Variants in UBE4B observed in about 807,000 individuals in gnomAD.
UBE4B encodes the protein ubiquitination factor E4B.
Under a neutral mutation model 148.1 loss-of-function variants are expected in UBE4B, and 27 were observed. The observed-to-expected ratio is 0.18, with a 90% CI of 0.13 to 0.25. The LOEUF (loss-of-function observed/expected upper bound fraction) is 0.25. Ranked by LOEUF, UBE4B falls within the 10% of genes least tolerant of loss-of-function variation. The pLI, the probability that UBE4B is intolerant of heterozygous loss-of-function variation, is 1.00. For synonymous variants in UBE4B, 596 were observed against 619.3 expected (o/e 0.96, Z 0.56); for missense variants, 1,170 against 1,662.4 (o/e 0.70, Z 5.15).
chr1:10,089,261 T>A (rs1644810927), intron 2 of UBE4B, among the ~76,000 whole-genome samples: 1 of 152,118 alleles, frequency 6.6e-6, no homozygotes, highest in African/African-American at 2.4e-5. Flanking sequence ...CACCTTAGCC[T>A]CCCAAAGTGC....
chr1:10,175,360 A>T (rs1354256642), intron 25 of UBE4B, among the ~76,000 whole-genome samples: 5 of 151,372 alleles, frequency 3.3e-5, no homozygotes, highest in Non-Finnish European at 5.9e-5. Context: ...CTTAGAAAAT[A>T]AAAAAAAATA....
At chr1:10,059,895 C>A (rs921027114) in intron 1 of UBE4B, among the ~76,000 whole-genome samples, 2 of 152,102 alleles carry the variant, frequency 1.3e-5, no homozygotes, top group African/African-American at 4.8e-5. Flanking sequence ...CTTCTTCTAC[C>A]CAGGAGAGCT....
At chr1:10,112,219 T>C (rs1009297355) in intron 7 of UBE4B, among the ~76,000 whole-genome samples, 1 of 152,180 alleles carries the variant, frequency 6.6e-6, no homozygotes, top group Non-Finnish European at 1.5e-5. Flanking sequence ...AATGTAGTTA[T>C]CAGAAAGTGG....
At position 10,134,994 on chromosome 1, in the gene UBE4B, G is replaced by C; in HGVS notation, c.2032G>C (p.Asp678His). The change falls in exon 16 of 28, where the codon GAT becomes CAT. Residue 678 changes from aspartate to histidine, a missense_variant. Physicochemically the swap from Asp to His is moderately conservative, Grantham distance 81. Around this residue, in one of 6 missense-constraint regions of UBE4B, gnomAD observed 388 missense variants for 536.0 expected, o/e 0.72. Transcript: ENST00000343090. ...NMKKAQMQTD[D>H]RLVSTDGFML... ...TTCTTTTCAACTTTCACAGACAGAT[G>C]ATAGATTGGTGTCTACAGATGGATT... 6.2e-7 allele frequency: 1 copy of C among 1,613,916 alleles called. No individual in the cohort carries two copies. The highest frequency in any genetic ancestry group is 8.5e-7 in the Non-Finnish European group (1 of 1,179,898).
At chr1:10,101,713 T>C (rs1645015083) in intron 4 of UBE4B, among the ~76,000 whole-genome samples, 1 of 152,028 alleles carries the variant, frequency 6.6e-6, no homozygotes, top group Non-Finnish European at 1.5e-5. Flanking sequence ...TTTCACCGTG[T>C]TAGCCAGGAT....
chr1:10,074,740 C>CT (rs1342969562), intron 2 of UBE4B, among the ~76,000 whole-genome samples: 1 of 152,210 alleles, frequency 6.6e-6, no homozygotes, highest in Non-Finnish European at 1.5e-5. Flanking sequence ...TGCCTGGTTC[C>CT]TTTTCATTTC....
chr1:10,175,854 C>A (rs1192907608), intron 25 of UBE4B, among the ~76,000 whole-genome samples: 1 of 151,904 alleles, frequency 6.6e-6, no homozygotes, highest in East Asian at 1.9e-4. Flanking sequence ...TAATATATAA[C>A]GTAGAAGTAA....
intron 18 of UBE4B, 159 bp downstream of exon 18, chr1:10,145,198 T>G (rs1645849120): frequency 1.9e-6 from 1 of 531,266 alleles, no homozygotes; most frequent in Non-Finnish European, 3.4e-6. Context: ...GTTGATACCT[T>G]ACTTATATGT....
At chr1:10,048,304 A>C (rs987925609) in intron 1 of UBE4B, among the ~76,000 whole-genome samples, 1 of 152,180 alleles carries the variant, frequency 6.6e-6, no homozygotes, top group Non-Finnish European at 1.5e-5. Flanking sequence ...TGAACATATT[A>C]TGAATATGCT....
intron 7 of UBE4B, among the ~76,000 whole-genome samples, chr1:10,112,648 C>G (rs1243603274): frequency 1.3e-5 from 2 of 152,166 alleles, no homozygotes; most frequent in East Asian, 3.8e-4. Flanking sequence ...GATCTGCCCC[C>G]CTCAGCCTCC....
chr1:10,115,815 A>C (rs968528374), intron 7 of UBE4B, among the ~76,000 whole-genome samples: 3 of 152,178 alleles, frequency 2.0e-5, no homozygotes, highest in Admixed American at 6.5e-5. Context: ...CCTGTACTGC[A>C]TGTTAGTGTA....
Position 10,178,834 on chromosome 1 carries a change from G to C in UBE4B, c.3700+16G>C. 6.4e-7 allele frequency: 1 copy of C among 1,565,740 alleles called. No homozygotes were observed. Among genetic ancestry groups the C allele is most frequent in the Non-Finnish European group, 8.6e-7 (1 of 1,159,010 alleles). ...GAGTTCAGAGGCAAGTGGACTCGTCGTTTTCATGCTGATTTCTTTTGAGTT... is the reference window on the plus strand; with the variant it reads ...GAGTTCAGAGGCAAGTGGACTCGTCCTTTTCATGCTGATTTCTTTTGAGTT... On this transcript the variant is annotated intron_variant, in intron 26 of 27. Coordinates refer to ENST00000343090, the MANE Select transcript of UBE4B (RefSeq NM_001105562.3).
chr1:10,104,354 G>A (rs1645072262), intron 5 of UBE4B, among the ~76,000 whole-genome samples: 1 of 152,158 alleles, frequency 6.6e-6, no homozygotes, highest in Non-Finnish European at 1.5e-5. Context: ...CGCAGAAGAG[G>A]TATGGGAGGT....
At position 10,090,233 on chromosome 1, in the gene UBE4B, C is replaced by T. The variant is rs564713816; in HGVS notation, c.212-5228C>T. Among the ~76,000 whole-genome samples, 10 of 152,196 alleles carry T rather than the reference C, an allele frequency of 6.6e-5. No individual in the cohort carries two copies. The South Asian group carries it at 2.1e-3, about 32-fold the overall frequency. On this transcript the variant is annotated intron_variant, in intron 2 of 27. Coordinates refer to ENST00000343090, the MANE Select transcript of UBE4B (RefSeq NM_001105562.3). ...CTCCTGGGCTCAGGTGACCCACCCCCCTCAGCTTCCTGAGTAGGTGGGACT... is the reference window on the plus strand; with the variant it reads ...CTCCTGGGCTCAGGTGACCCACCCCTCTCAGCTTCCTGAGTAGGTGGGACT...
chr1:10,067,651 C>T (rs905905004), intron 1 of UBE4B, among the ~76,000 whole-genome samples: 5 of 151,558 alleles, frequency 3.3e-5, no homozygotes, highest in Non-Finnish European at 5.9e-5. Context: ...CGGCTCTCAC[C>T]GGGTTGCACA....
intron 6 of UBE4B, 53 bp downstream of exon 6, chr1:10,105,797 A>G (rs879093734): frequency 1.3e-6 from 2 of 1,535,480 alleles, no homozygotes; most frequent in Non-Finnish European, 1.8e-6. Flanking sequence ...ACTGTGAACT[A>G]CGTAGGAGAA....
chr1:10,106,259 C>T lies in UBE4B; in HGVS notation c.872C>T (p.Pro291Leu), dbSNP rs199643842. 172 of 1,613,980 alleles carry T rather than the reference C, an allele frequency of 1.1e-4. No individual in the cohort carries two copies. The highest frequency in any genetic ancestry group is 1.2e-4 in the Non-Finnish European group (141 of 1,179,894). ...TGGAGCTCTGTTCCCGTGATGGGCC[C>T]GTCTCTTGCCTCACCTTCCCGTGCA... ...SFWSSVPVMG[P>L]SLASPSRAAS... is the part of the protein sequence containing the mutation. The change falls in exon 7 of 28, where the codon CCG (proline) becomes CTG (leucine). Residue 291 changes from proline (P) to leucine (L), a missense_variant. Physicochemically the swap from Pro to Leu is moderately conservative, Grantham distance 98. Around this residue, in one of 6 missense-constraint regions of UBE4B, gnomAD observed 214 missense variants for 209.1 expected, o/e 1.02. Transcript: ENST00000343090. The surrounding 1 kb of genome is among the most constrained non-coding windows in gnomAD (Gnocchi z 4.2).
At chr1:10,151,292 C>T (rs751763900) in intron 20 of UBE4B, 34 bp from the exon 21 acceptor site, 9 of 1,594,228 alleles carry the variant, frequency 5.6e-6, no homozygotes, top group Non-Finnish European at 7.7e-6. Context: ...AGTTTCTCAG[C>T]GGTCTCTTTC....
chr1:10,144,884 T>A (rs1645843816), intron 17 of UBE4B, 56 bp from the exon 18 acceptor site: 1 of 1,311,104 alleles, frequency 7.6e-7, no homozygotes, highest in Admixed American at 2.0e-5. Context: ...GCAAGATGAA[T>A]GGGTAAGATG....
Sources: allele counts gnomAD v4.1 joint callset (sites outside exome capture counted in the v4.1 genomes callset), GRCh38; gene constraint gnomAD v4.1.1; regional missense constraint gnomAD v4.1.1; non-coding constraint Gnocchi (gnomAD v3.1); transcripts MANE v1.5; gene names NCBI Gene and HGNC (gene_info 2026-07-23, HGNC 2026-07-21).